The following NEMP2 variants were observed in gnomAD, a reference collection of about 807,000 sequenced individuals.
The protein encoded by NEMP2 is UPF0571 transmembrane protein.
NEMP2 carries 53 observed loss-of-function variants against 54.2 expected under a neutral mutation model. That is an observed-to-expected ratio of 0.98 (90% CI 0.78 to 1.23). The LOEUF is 1.23. Ranked by LOEUF, NEMP2 falls within the 50% of genes most tolerant of loss-of-function variation. The pLI, the probability that NEMP2 is intolerant of heterozygous loss-of-function variation, is 0.00. For missense variants in NEMP2, 455 were observed against 511.3 expected (o/e 0.89, Z 1.06); for synonymous variants, 197 against 190.3 (o/e 1.04, Z -0.29).
chr2:190,607,014 G>A, the NEMP2 span, among the ~76,000 whole-genome samples: 1 of 152,162 alleles, frequency 6.6e-6, no homozygotes, highest in Non-Finnish European at 1.5e-5. The surrounding 1 kb of genome is among the most constrained non-coding windows in gnomAD (Gnocchi z 5.2). Context: ...CTGATCCAGA[G>A]TCCTCAGTAT....
chr2:190,604,421 C>T, the NEMP2 span, among the ~76,000 whole-genome samples: 2 of 152,236 alleles, frequency 1.3e-5, no homozygotes, highest in Non-Finnish European at 1.5e-5. This position sits in a 1 kb window ranked among gnomAD's most constrained non-coding sequence, Gnocchi z 4.5. Flanking sequence ...CTACTGAACA[C>T]AGGTGAGTCG....
downstream of NEMP2, chr2:190,502,292 T>C (rs1690061807): frequency 6.6e-6 from 1 of 152,192 alleles, no homozygotes; most frequent in Admixed American, 6.5e-5. This position sits in a 1 kb window ranked among gnomAD's most constrained non-coding sequence, Gnocchi z 4.4. Flanking sequence ...CCTTAAAAAA[T>C]ATTAAAGTGA....
chr2:190,546,183 G>A, the NEMP2 span, among the ~76,000 whole-genome samples: 1,564 of 152,076 alleles, frequency 0.01, 71 homozygotes, highest in East Asian at 0.15. This position sits in a 1 kb window ranked among gnomAD's most constrained non-coding sequence, Gnocchi z 5.1. Flanking sequence ...TGTGTGTTCC[G>A]CATCCATGGC....
chr2:190,434,203 A>G, the NEMP2 span, among the ~76,000 whole-genome samples: 1 of 151,916 alleles, frequency 6.6e-6, no homozygotes, highest in South Asian at 2.1e-4. This position sits in a 1 kb window ranked among gnomAD's most constrained non-coding sequence, Gnocchi z 4.3. Flanking sequence ...AAAGAAAAAA[A>G]AGAAAAGAAG....
At chr2:190,593,200 G>A in the NEMP2 span, among the ~76,000 whole-genome samples, 1 of 152,216 alleles carries the variant, frequency 6.6e-6, no homozygotes, top group South Asian at 2.1e-4. The surrounding 1 kb of genome is among the most constrained non-coding windows in gnomAD (Gnocchi z 4.5). Context: ...CATCTGCCAT[G>A]CCCTAGCTTC....
the NEMP2 span, among the ~76,000 whole-genome samples, chr2:190,594,663 G>T: frequency 6.6e-6 from 1 of 152,144 alleles, no homozygotes; most frequent in African/African-American, 2.4e-5. This position sits in a 1 kb window ranked among gnomAD's most constrained non-coding sequence, Gnocchi z 5.6. Context: ...GAACTCCTGG[G>T]CTCAAGAGAG....
chr2:190,425,070 A>C, the NEMP2 span, among the ~76,000 whole-genome samples: 1 of 152,134 alleles, frequency 6.6e-6, no homozygotes, highest in Non-Finnish European at 1.5e-5. This position sits in a 1 kb window ranked among gnomAD's most constrained non-coding sequence, Gnocchi z 4.3. Context: ...CCTTGTACAC[A>C]TTTTTTAAAT....
At chr2:190,629,328 T>A in the NEMP2 span, among the ~76,000 whole-genome samples, 7 of 152,284 alleles carry the variant, frequency 4.6e-5, no homozygotes, top group African/African-American at 7.2e-5. Flanking sequence ...ATGTCAAAAA[T>A]TTTTTGCACC....
the NEMP2 span, among the ~76,000 whole-genome samples, chr2:190,586,495 A>C: frequency 6.6e-6 from 1 of 152,162 alleles, no homozygotes; most frequent in Non-Finnish European, 1.5e-5. The surrounding 1 kb of genome is among the most constrained non-coding windows in gnomAD (Gnocchi z 4.5). Context: ...GTGAAATTTA[A>C]TGTGATTGTC....
upstream of NEMP2, among the ~76,000 whole-genome samples, chr2:190,537,014 A>T (rs2125367919): frequency 6.6e-6 from 1 of 152,324 alleles, no homozygotes; most frequent in South Asian, 2.1e-4. Flanking sequence ...AAAAGCAGAG[A>T]GGAGAAAAAA....
intron 5 of NEMP2, among the ~76,000 whole-genome samples, chr2:190,516,865 C>T (rs1399666056): frequency 1.3e-5 from 2 of 152,056 alleles, no homozygotes; most frequent in South Asian, 4.2e-4. Context: ...CCAAGGCAGG[C>T]AGATCGCTGG....
chr2:190,496,336 A>G, the NEMP2 span, among the ~76,000 whole-genome samples: 1 of 152,146 alleles, frequency 6.6e-6, no homozygotes, highest in Admixed American at 6.5e-5. This position sits in a 1 kb window ranked among gnomAD's most constrained non-coding sequence, Gnocchi z 4.7. Context: ...AAAATAATTG[A>G]TGTTGGTGTG....
chr2:190,640,617 T>C, the NEMP2 span, among the ~76,000 whole-genome samples: 1 of 152,148 alleles, frequency 6.6e-6, no homozygotes, highest in Non-Finnish European at 1.5e-5. Context: ...ACTTTGCAGT[T>C]ATATGCAAAC....
chr2:190,435,911 A>G, the NEMP2 span: 1 of 1,309,304 alleles, frequency 7.6e-7, no homozygotes, highest in South Asian at 1.7e-5. Context: ...TTCCTGCAAG[A>G]TGAAGTTCTG....
the NEMP2 span, among the ~76,000 whole-genome samples, chr2:190,461,204 G>A: frequency 6.6e-6 from 1 of 152,284 alleles, no homozygotes; most frequent in African/African-American, 2.4e-5. This position sits in a 1 kb window ranked among gnomAD's most constrained non-coding sequence, Gnocchi z 5.5. Context: ...GAGAACCATG[G>A]GTCAGACATC....
the NEMP2 span, among the ~76,000 whole-genome samples, chr2:190,596,123 A>G: frequency 1.3e-5 from 2 of 152,190 alleles, no homozygotes; most frequent in African/African-American, 4.8e-5. The surrounding 1 kb of genome is among the most constrained non-coding windows in gnomAD (Gnocchi z 5.1). Flanking sequence ...GCTGGAAACC[A>G]TCATTCTCAG....
At chr2:190,458,225 C>CA in the NEMP2 span, among the ~76,000 whole-genome samples, 1 of 152,106 alleles carries the variant, frequency 6.6e-6, no homozygotes, top group Non-Finnish European at 1.5e-5. This position sits in a 1 kb window ranked among gnomAD's most constrained non-coding sequence, Gnocchi z 5.3. Context: ...GGTCCTAACC[C>CA]ACAGTACCTC....
chr2:190,432,596 T>C, the NEMP2 span, among the ~76,000 whole-genome samples: 3 of 152,158 alleles, frequency 2.0e-5, no homozygotes, highest in African/African-American at 4.8e-5. Flanking sequence ...TTTGTATTTT[T>C]AGTAGAGACA....
Position 190,507,972 on chromosome 2 carries a change from A to G in NEMP2, c.*1217T>C, listed in dbSNP as rs575109077. ...ACCCTGAGATTGTCTTGCCATGTTCAAATCTTTCCTCAGATCTATGTTTTG... is the reference window on the plus strand; with the variant it reads ...ACCCTGAGATTGTCTTGCCATGTTCGAATCTTTCCTCAGATCTATGTTTTG... On this transcript the variant is annotated 3_prime_UTR_variant, in exon 9 of 9. Coordinates refer to ENST00000409150, the MANE Select transcript of NEMP2 (RefSeq NM_001142645.2). This position sits in a 1 kb window ranked among gnomAD's most constrained non-coding sequence, Gnocchi z 4.4. 6.6e-6 allele frequency: 1 copy of G among 152,322 alleles called. No individual in the cohort carries two copies. Among genetic ancestry groups the G allele is most frequent in the African/African-American group, 2.4e-5 (1 of 41,576 alleles). 9.4% of individuals were successfully genotyped at this position (152,322 alleles called of 1,614,324 possible). A position where few individuals can be genotyped will look rare whatever the true frequency, so the allele number is the denominator to read the frequency against.
Sources: allele counts gnomAD v4.1 joint callset (sites outside exome capture counted in the v4.1 genomes callset), GRCh38; gene constraint gnomAD v4.1.1; non-coding constraint Gnocchi (gnomAD v3.1); transcripts MANE v1.5; gene names NCBI Gene and HGNC (gene_info 2026-07-23, HGNC 2026-07-21).